Variants in ASTN1 observed in about 807,000 individuals in gnomAD.
ASTN1 encodes the protein astrotactin 1, also known as astrotactin-1.
Under a neutral mutation model 140.7 loss-of-function variants are expected in ASTN1, and 41 were observed. The observed-to-expected ratio is 0.29, with a 90% confidence interval of 0.23 to 0.38. The LOEUF is 0.38. ASTN1 is among the 10% of genes least tolerant of loss of function. The pLI is 1.00. For synonymous variants in ASTN1, 640 were observed against 652.2 expected, an observed-to-expected ratio of 0.98 and a Z score of 0.29; for missense variants, 1,479 against 1,678.8, an observed-to-expected ratio of 0.88 and a Z score of 2.08.
At chr1:177,001,846 G>A (rs921104477) in intron 8 of ASTN1, among the ~76,000 whole-genome samples, 2 of 152,202 alleles carry the variant, frequency 1.3e-5, no homozygotes, top group African/African-American at 4.8e-5. Context: ...GTTTTTCCTA[G>A]TGTAGAATAT....
chr1:177,014,049 TAA>T (rs752231658), intron 8 of ASTN1, among the ~76,000 whole-genome samples: 25 of 134,578 alleles, frequency 1.9e-4, no homozygotes, highest in Admixed American at 3.0e-4. Context: ...ATGTCTCAAT[TAA>T]AAAAAAAAAA....
chr1:177,012,022 T>C (rs1239270114), intron 8 of ASTN1, among the ~76,000 whole-genome samples: 1 of 152,246 alleles, frequency 6.6e-6, no homozygotes, highest in Non-Finnish European at 1.5e-5. Flanking sequence ...TATTTTAATG[T>C]ACGCAATACA....
intron 16 of ASTN1, among the ~76,000 whole-genome samples, chr1:176,931,705 A>G (rs1178235926): frequency 6.6e-6 from 1 of 152,182 alleles, no homozygotes; most frequent in Non-Finnish European, 1.5e-5. Context: ...ACCCACATGG[A>G]AGTCACCACC....
intron 16 of ASTN1, among the ~76,000 whole-genome samples, chr1:176,900,343 G>A (rs191311997): frequency 3.1e-4 from 47 of 152,190 alleles, no homozygotes; most frequent in African/African-American, 8.9e-4. Flanking sequence ...CATTTCCTCC[G>A]TACTCTCCTC....
At chr1:177,097,128 C>T (rs996703510) in intron 1 of ASTN1, among the ~76,000 whole-genome samples, 1 of 152,108 alleles carries the variant, frequency 6.6e-6, no homozygotes, top group Non-Finnish European at 1.5e-5. Context: ...TAGAGCAACC[C>T]ATACAGAGAT....
intron 1 of ASTN1, among the ~76,000 whole-genome samples, chr1:177,130,765 CTT>C (rs533447783): frequency 1.1e-4 from 16 of 152,292 alleles, no homozygotes; most frequent in African/African-American, 3.9e-4. Context: ...CACCTAGAGA[CTT>C]TGGCATGAGC....
chr1:177,049,058 A>G (rs913661544), intron 2 of ASTN1, among the ~76,000 whole-genome samples: 1 of 152,220 alleles, frequency 6.6e-6, no homozygotes, highest in Non-Finnish European at 1.5e-5. Flanking sequence ...TAAATGGAAA[A>G]AAGAAAAGCA....
At chr1:177,044,303 C>A (rs1677113945) in intron 2 of ASTN1, among the ~76,000 whole-genome samples, 1 of 145,838 alleles carries the variant, frequency 6.9e-6, no homozygotes, top group African/African-American at 2.5e-5. Context: ...TTTTTTCAGG[C>A]TTCCTCTCTT....
At chr1:176,927,968 A>T (rs540451341) in intron 16 of ASTN1, among the ~76,000 whole-genome samples, 13 of 152,196 alleles carry the variant, frequency 8.5e-5, no homozygotes, top group African/African-American at 2.4e-4. Context: ...GAGCAAACAG[A>T]TAATTTATTT....
At chr1:177,083,985 C>T (rs774288995) in intron 1 of ASTN1, among the ~76,000 whole-genome samples, 1 of 152,166 alleles carries the variant, frequency 6.6e-6, no homozygotes, top group East Asian at 1.9e-4. Flanking sequence ...AGAGTAAATT[C>T]TCCCTTGCTG....
chr1:176,930,257 C>G (rs1443148962), intron 16 of ASTN1, among the ~76,000 whole-genome samples: 2 of 152,080 alleles, frequency 1.3e-5, no homozygotes, highest in Non-Finnish European at 2.9e-5. Flanking sequence ...CAATGGAGTT[C>G]ACAAATCTAC....
chr1:177,034,579 C>G (rs1466187584), intron 2 of ASTN1, among the ~76,000 whole-genome samples: 1 of 152,142 alleles, frequency 6.6e-6, no homozygotes, highest in Non-Finnish European at 1.5e-5. Context: ...TGCAGACACA[C>G]ACACAGAGCT....
At chr1:176,873,104 T>A (rs559427687) in intron 21 of ASTN1, among the ~76,000 whole-genome samples, 1 of 152,340 alleles carries the variant, frequency 6.6e-6, no homozygotes, top group Middle Eastern at 3.4e-3. Flanking sequence ...CAGATTTTGA[T>A]TCTAATTGCT....
rs764086960 is a variant in ASTN1 at position 176,876,655 on chromosome 1, G to A, written c.3363-18C>T. 6.2e-7 allele frequency: 1 copy of A among 1,611,938 alleles called. No homozygotes were observed. Among genetic ancestry groups the A allele is most frequent in the South Asian group, 1.1e-5 (1 of 90,908 alleles). ...GCGTGAACCTGGCAGGGAGTGGGAG[G>A]GCATGGTTAGCAGAAACAGTGTGGC... is the stretch of plus-strand genomic sequence containing the variant. On this transcript the variant is annotated intron_variant, in intron 20 of 22. Transcript: ENST00000361833.
At chr1:176,865,613 A>T (rs1010494432) in intron 22 of ASTN1, among the ~76,000 whole-genome samples, 27 of 152,324 alleles carry the variant, frequency 1.8e-4, no homozygotes, top group Non-Finnish European at 3.5e-4. Context: ...AAGACTACTG[A>T]CTTGGAAACC....
At chr1:176,935,577 G>A (rs1374346277) in intron 15 of ASTN1, among the ~76,000 whole-genome samples, 2 of 152,134 alleles carry the variant, frequency 1.3e-5, no homozygotes, top group African/African-American at 4.8e-5. Context: ...TACCCTTTGT[G>A]AGTTTCTGTC....
At chr1:176,923,001 C>T (rs1034177526) in intron 16 of ASTN1, among the ~76,000 whole-genome samples, 2 of 152,074 alleles carry the variant, frequency 1.3e-5, no homozygotes, top group African/African-American at 4.8e-5. Context: ...CCTGGTACAA[C>T]CTTTTAATAT....
At chr1:176,990,909 A>AC (rs1284803360) in intron 8 of ASTN1, among the ~76,000 whole-genome samples, 2 of 152,090 alleles carry the variant, frequency 1.3e-5, no homozygotes, top group Non-Finnish European at 2.9e-5. Context: ...CTGGTCTATG[A>AC]CTTTTTATCA....
At chr1:177,161,238 G>A (rs1313365397) in intron 1 of ASTN1, among the ~76,000 whole-genome samples, 1 of 152,132 alleles carries the variant, frequency 6.6e-6, no homozygotes, top group African/African-American at 2.4e-5. Flanking sequence ...CCACTCTACA[G>A]AGCCAGGCCC....
Sources: gnomAD v4.1 joint callset for allele counts (sites outside exome capture counted in the v4.1 genomes callset) on GRCh38, gnomAD v4.1.1 for gene constraint, MANE v1.5 for transcripts, NCBI Gene and HGNC (gene_info 2026-07-23, HGNC 2026-07-21) for gene names.